DOCK3: variants seen among roughly 807,000 people sequenced by gnomAD.
The protein encoded by DOCK3 is dedicator of cytokinesis protein 3.
In DOCK3, 60 loss-of-function variants were observed where a neutral mutation model predicts 265.6. The observed-to-expected ratio is 0.23, with a 90% CI of 0.18 to 0.28. The LOEUF is 0.28. Among genes scored for constraint, DOCK3 ranks in the 10% least tolerant of loss-of-function variants. The pLI is 1.00. For synonymous variants in DOCK3, 881 were observed against 938.0 expected, an observed-to-expected ratio of 0.94 and a Z score of 1.11; for missense variants, 1,981 against 2,594.3, an observed-to-expected ratio of 0.76 and a Z score of 5.14.
chr3:50,749,423 G>T (rs1408791522), intron 1 of DOCK3, among the ~76,000 whole-genome samples: 3 of 152,298 alleles, frequency 2.0e-5, no homozygotes, highest in Non-Finnish European at 2.9e-5. Flanking sequence ...AGAAGTAAAA[G>T]AAGTGAATGA....
At chr3:50,777,550 C>T (rs186277779) in intron 1 of DOCK3, among the ~76,000 whole-genome samples, 4 of 152,196 alleles carry the variant, frequency 2.6e-5, no homozygotes, top group Admixed American at 2.6e-4. Context: ...GTGAGCATGG[C>T]ATATGTTTCC....
chr3:51,046,827 G>C (rs1210420428), intron 5 of DOCK3, among the ~76,000 whole-genome samples: 2 of 151,922 alleles, frequency 1.3e-5, no homozygotes, highest in South Asian at 4.1e-4. Flanking sequence ...CACAAAATAA[G>C]TCTTAACACA....
At chr3:50,736,696 C>CTT (rs200155311) in intron 1 of DOCK3, among the ~76,000 whole-genome samples, 46 of 128,348 alleles carry the variant, frequency 3.6e-4, no homozygotes, top group South Asian at 1.0e-3. Context: ...GCATAAATGT[C>CTT]TTTTTTTTTT....
At chr3:51,168,209 A>G (rs1326314218) in intron 12 of DOCK3, among the ~76,000 whole-genome samples, 4 of 152,238 alleles carry the variant, frequency 2.6e-5, no homozygotes, top group Non-Finnish European at 5.9e-5. Flanking sequence ...TCAAACTACT[A>G]GTGACATTCT....
At chr3:51,130,335 G>A (rs531095344) in intron 9 of DOCK3, among the ~76,000 whole-genome samples, 127 of 152,330 alleles carry the variant, frequency 8.3e-4, no homozygotes, top group African/African-American at 2.9e-3. Flanking sequence ...ATACCCCTGA[G>A]GTAGGACAGT....
rs782447523 is a variant in DOCK3, at chr3:51,381,258, C to A, written c.5792C>A (p.Pro1931His). 2.5e-6 allele frequency: 4 copies of A among 1,613,870 alleles called. No individual in the cohort carries two copies. The highest frequency in any genetic ancestry group is 1.7e-6 in the Non-Finnish European group (2 of 1,179,874). ...AATGCTGACGAAGATCTTGAGCCACCCTACCTCCCTGTCCACTACAGCCTC... is the reference window on the plus strand; with the variant it reads ...AATGCTGACGAAGATCTTGAGCCACACTACCTCCCTGTCCACTACAGCCTC... ...AWNADEDLEP[P>H]YLPVHYSLSE... is the part of the protein sequence containing the mutation. Residue 1931 changes from proline (P) to histidine (H), a missense_variant, in exon 53 of 53, where the codon CCC becomes CAC. Pro to His is a moderately conservative substitution (Grantham distance 77). Transcript: ENST00000266037. This position sits in a 1 kb window ranked among gnomAD's most constrained non-coding sequence, Gnocchi z 5.6.
At chr3:51,177,641 A>G (rs1411732652) in intron 12 of DOCK3, among the ~76,000 whole-genome samples, 1 of 152,202 alleles carries the variant, frequency 6.6e-6, no homozygotes, top group Non-Finnish European at 1.5e-5. Flanking sequence ...CATAGGAGAA[A>G]GCCTATCCAT....
chr3:51,229,474 G>A (rs777710174), intron 18 of DOCK3, 38 bp from the exon 19 acceptor site: 3 of 1,443,286 alleles, frequency 2.1e-6, no homozygotes, highest in Non-Finnish European at 2.8e-6. Context: ...GAATATCCAG[G>A]TTTCAAGGGT....
intron 7 of DOCK3, among the ~76,000 whole-genome samples, chr3:51,083,746 G>A (rs1203060443): frequency 6.6e-6 from 1 of 152,150 alleles, no homozygotes; most frequent in Admixed American, 6.6e-5. Flanking sequence ...ACTTTAGGAG[G>A]CCAAGGCAGG....
intron 5 of DOCK3, among the ~76,000 whole-genome samples, chr3:51,059,292 C>G (rs1023809649): frequency 6.6e-6 from 1 of 152,136 alleles, no homozygotes; most frequent in African/African-American, 2.4e-5. Context: ...AATTATCTCC[C>G]AAACAGTTTC....
At chr3:50,925,041 C>A (rs879654249) in intron 4 of DOCK3, among the ~76,000 whole-genome samples, 3 of 152,146 alleles carry the variant, frequency 2.0e-5, no homozygotes, top group Admixed American at 1.3e-4. Context: ...CCTAAGTTAT[C>A]CCATGTCTTT....
At chr3:50,977,128 A>T (rs1400086316) in intron 5 of DOCK3, among the ~76,000 whole-genome samples, 2 of 149,928 alleles carry the variant, frequency 1.3e-5, no homozygotes, top group Non-Finnish European at 3.0e-5. Context: ...TAATTGGAGC[A>T]TTTAGTCCAT....
intron 3 of DOCK3, among the ~76,000 whole-genome samples, chr3:50,879,498 G>T (rs2047912190): frequency 6.6e-6 from 1 of 152,106 alleles, no homozygotes; most frequent in South Asian, 2.1e-4. Flanking sequence ...TGATAAAACA[G>T]ACTTTAAACC....
At chr3:50,719,773 G>A (rs2037358417) in intron 1 of DOCK3, 4 of 954,680 alleles carry the variant, frequency 4.2e-6, no homozygotes, top group Non-Finnish European at 3.4e-6. Flanking sequence ...CCATTATGGT[G>A]TGTGAAGTCA....
chr3:50,688,095 C>T (rs1002892700), intron 1 of DOCK3, among the ~76,000 whole-genome samples: 23 of 152,158 alleles, frequency 1.5e-4, no homozygotes. Flanking sequence ...TGCAGCCTCT[C>T]CTAAAAGTTC....
Position 51,183,933 on chromosome 3 carries a change from T to G in DOCK3, c.1037+23231T>G, listed in dbSNP as rs111458918. ...ACAAATATTTCCTCACTTTGTCAGC[T>G]GAGAGGGCCTACAGGAAGCACTCCA... On this transcript the variant is annotated intron_variant, in intron 12 of 52. Coordinates refer to ENST00000266037, the MANE Select transcript of DOCK3 (RefSeq NM_004947.5). 4.6e-5 allele frequency among the ~76,000 whole-genome samples: 7 copies of G among 152,252 alleles called. 2 individuals carry two copies. The highest frequency in any genetic ancestry group is 1.7e-4 in the African/African-American group (7 of 41,544).
chr3:50,806,142 G>T (rs1328401976), intron 2 of DOCK3, among the ~76,000 whole-genome samples: 1 of 151,886 alleles, frequency 6.6e-6, no homozygotes, highest in Admixed American at 6.6e-5. Context: ...TGTTTCTTGA[G>T]GCTGGGATGT....
chr3:51,032,839 G>A (rs1045529031), intron 5 of DOCK3, among the ~76,000 whole-genome samples: 5 of 152,108 alleles, frequency 3.3e-5, no homozygotes, highest in African/African-American at 1.2e-4. Context: ...TTGAGCCCAG[G>A]ACTTTGAGGC....
At chr3:51,300,258 C>G (rs559661902) in intron 27 of DOCK3, among the ~76,000 whole-genome samples, 1 of 152,242 alleles carries the variant, frequency 6.6e-6, no homozygotes, top group South Asian at 2.1e-4. Flanking sequence ...GATTTTGTAT[C>G]CTGAGACTTT....
Sources: gnomAD v4.1 joint callset for allele counts (sites outside exome capture counted in the v4.1 genomes callset) on GRCh38, gnomAD v4.1.1 for gene constraint, Gnocchi (gnomAD v3.1) non-coding constraint, MANE v1.5 for transcripts, NCBI Gene and HGNC (gene_info 2026-07-23, HGNC 2026-07-21) for gene names.